Variants in PLA2G4F observed in about 807,000 individuals in gnomAD.
The protein encoded by PLA2G4F is cytosolic phospholipase A2 zeta.
Under a neutral mutation model 103.1 loss-of-function variants are expected in PLA2G4F, and 105 were observed. That is an observed-to-expected ratio of 1.02 (90% confidence interval 0.87 to 1.20). The LOEUF is 1.20. Among genes scored for constraint, PLA2G4F ranks in the 50% most tolerant of loss-of-function variants. The pLI, the probability that PLA2G4F is intolerant of heterozygous loss-of-function variation, is 0.00. For missense variants in PLA2G4F, 1,155 were observed against 1,075.9 expected (o/e 1.07, Z -1.03); for synonymous variants, 468 against 441.1 (o/e 1.06, Z -0.76).
rs750894084 is a variant in PLA2G4F at position 42,142,609 on chromosome 15, C to T, written c.2248G>A (p.Ala750Thr). Residue 750 changes from alanine (A) to threonine (T), a missense_variant, in exon 19 of 20, where the codon GCC becomes ACC. Transcript: ENST00000397272. ...MEEARECYLF[A>T]KAEDPRSPIV... ...GGGGAGCGGGGGTCCTCAGCCTTGG[C>T]AAACAGATAGCACTCACGGGCCTCC... The T allele has an allele frequency of 5.6e-6, 9 of 1,614,082 alleles. No homozygotes were observed. In the South Asian group the frequency reaches 8.8e-5, roughly 16 times the overall value.
In PLA2G4F at chr15:42,145,580, A is replaced by G; in HGVS notation, c.1775T>C (p.Ile592Thr). Residue 592 changes from isoleucine to threonine, a missense_variant, in exon 16 of 20, where the codon ATC becomes ACC. Around this residue, in one of 3 missense-constraint regions of PLA2G4F, gnomAD observed 782 missense variants for 692.9 expected, o/e 1.13. Coordinates refer to ENST00000397272, the MANE Select transcript of PLA2G4F (RefSeq NM_213600.4). ...CTCGGGGTCGCTACCCTCACCTGTG[A>G]TATTCACACTGCCTCTGTACCACTC... ...FLEWYRGSVN[I>T]TDDCQKPQLH... is the part of the protein sequence containing the mutation. The G allele has an allele frequency of 6.2e-7, 1 of 1,613,912 alleles. No individual in the cohort carries two copies. The highest frequency in any genetic ancestry group is 1.1e-5 in the South Asian group (1 of 91,062).
chr15:42,139,656 T>C lies in PLA2G4F; in HGVS notation c.*2328A>G, dbSNP rs1428856966. The C allele has an allele frequency of 6.6e-6, 1 of 152,248 alleles. No homozygotes were observed. The highest frequency in any genetic ancestry group is 6.5e-5 in the Admixed American group (1 of 15,284). 9.4% of individuals were successfully genotyped at this position (152,248 alleles called of 1,614,324 possible). Reference sequence around the variant, plus strand: ...CTCTCCTGAGGAGCAGACATTAAACTGGCTGGGTTACCTTCGGCCCCTCCC... The same window carrying C: ...CTCTCCTGAGGAGCAGACATTAAACCGGCTGGGTTACCTTCGGCCCCTCCC... On this transcript the variant is annotated 3_prime_UTR_variant, in exon 20 of 20. Transcript: ENST00000397272.
chr15:42,147,375 G>A (rs774261072), intron 12 of PLA2G4F, 29 bp from the exon 13 acceptor site: 14 of 1,585,850 alleles, frequency 8.8e-6, no homozygotes, highest in African/African-American at 1.3e-5. Context: ...CCTGAGTCAG[G>A]GGCAGGAGAG....
At position 42,147,342 on chromosome 15, in the gene PLA2G4F, T is replaced by C; in HGVS notation, c.1201A>G (p.Ile401Val). The C allele has an allele frequency of 6.2e-7, 1 of 1,605,736 alleles. No individual in the cohort carries two copies. Among genetic ancestry groups the C allele is most frequent in the Admixed American group, 1.7e-5 (1 of 60,000 alleles). The change falls in exon 13 of 20, where the codon ATC (isoleucine) becomes GTC (valine). Residue 401 changes from isoleucine (I) to valine (V), a missense_variant. Around this residue, in one of 3 missense-constraint regions of PLA2G4F, gnomAD observed 782 missense variants for 692.9 expected, o/e 1.13. Transcript: ENST00000397272. ...GCTGGGTCCCTGTAGAGTGTGGAGA[T>C]GCACCTGGGGATTGGAGGTGTGCCT... is the stretch of plus-strand genomic sequence containing the variant. Reference protein sequence around the residue: ...LSGVSGSTWCISTLYRDPAWS... With the variant: ...LSGVSGSTWCVSTLYRDPAWS...
chr15:42,149,352 A>G lies in PLA2G4F; in HGVS notation c.1059+361T>C. Reference sequence around the variant, plus strand: ...CACACATGCACAGAGGAAGGGCCACATGAGGACATGGCGAGACAGCTCCAC... The same window carrying G: ...CACACATGCACAGAGGAAGGGCCACGTGAGGACATGGCGAGACAGCTCCAC... On this transcript the variant is annotated intron_variant, in intron 11 of 19. Transcript: ENST00000397272. 3.5e-6 allele frequency: 2 copies of G among 578,826 alleles called. 1 individual carries two copies. The highest frequency in any genetic ancestry group is 4.4e-6 in the Non-Finnish European group (2 of 459,506). The allele number at this position is 578,826 out of a possible 1,614,324, so 35.9% of individuals were successfully genotyped here.
At chr15:42,154,251 ATG>A in intron 3 of PLA2G4F, 31 bp from the exon 4 acceptor site, 1 of 1,614,084 alleles carries the variant, frequency 6.2e-7, no homozygotes, top group Non-Finnish European at 8.5e-7. Flanking sequence ...AGGTCCGAGC[ATG>A]AGGTAGGACA....
In PLA2G4F at chr15:42,140,696, C is replaced by G. The variant is rs2048821239; in HGVS notation, c.*1288G>C. Reference sequence around the variant, plus strand: ...CTGGAAACCAGAACTAGTCTTCTTTCCAGACTCAGGACAGGTAAGGCTTCC... The same window carrying G: ...CTGGAAACCAGAACTAGTCTTCTTTGCAGACTCAGGACAGGTAAGGCTTCC... On this transcript the variant is annotated 3_prime_UTR_variant, in exon 20 of 20. Coordinates refer to ENST00000397272, the MANE Select transcript of PLA2G4F (RefSeq NM_213600.4). The G allele has an allele frequency of 6.5e-6, 1 of 153,034 alleles. No homozygotes were observed. Among genetic ancestry groups the G allele is most frequent in the Non-Finnish European group, 1.5e-5 (1 of 68,622 alleles). 9.5% of individuals were successfully genotyped at this position (153,034 alleles called of 1,614,324 possible).
Position 42,141,370 on chromosome 15 carries a change from G to A in PLA2G4F, c.*614C>T, listed in dbSNP as rs149455560. On this transcript the variant is annotated 3_prime_UTR_variant, in exon 20 of 20. Transcript: ENST00000397272. Reference sequence around the variant, plus strand: ...GACATCACCCCACAGGCTTTAGGGCGCTGGGAAGAGAAGGGTGATCTGGGA... The same window carrying A: ...GACATCACCCCACAGGCTTTAGGGCACTGGGAAGAGAAGGGTGATCTGGGA... 4.2e-5 allele frequency: 19 copies of A among 456,712 alleles called. No individual in the cohort carries two copies. The highest frequency in any genetic ancestry group is 1.9e-4 in the South Asian group (12 of 64,552). The allele number at this position is 456,712 out of a possible 1,614,324, so 28.3% of individuals were successfully genotyped here.
chr15:42,141,557 T>C lies in PLA2G4F; in HGVS notation c.*427A>G. ...CCGCTCTGCAGGAAGTGTGGATGGA[T>C]GCATCTCTGCTTTCCATCTCAGTGT... On this transcript the variant is annotated 3_prime_UTR_variant, in exon 20 of 20. Coordinates refer to ENST00000397272, the MANE Select transcript of PLA2G4F (RefSeq NM_213600.4). 2.2e-6 allele frequency: 1 copy of C among 457,472 alleles called. No individual in the cohort carries two copies. The highest frequency in any genetic ancestry group is 2.4e-5 in the Admixed American group (1 of 42,182). The allele number at this position is 457,472 out of a possible 1,614,324, so 28.3% of individuals were successfully genotyped here.
At chr15:42,152,786 C>G (rs2048973887) in intron 6 of PLA2G4F, 32 bp from the exon 7 acceptor site, 3 of 1,546,878 alleles carry the variant, frequency 1.9e-6, no homozygotes, top group South Asian at 1.2e-5. Context: ...AGGAGCCAGA[C>G]AGCCCACGGC....
chr15:42,147,211 C>G lies in PLA2G4F; in HGVS notation c.1332G>C (p.Gln444His), dbSNP rs1460418350. The G allele has an allele frequency of 6.2e-7, 1 of 1,613,114 alleles. No individual in the cohort carries two copies. The highest frequency in any genetic ancestry group is 8.5e-7 in the Non-Finnish European group (1 of 1,179,998). The change falls in exon 13 of 20, where the codon CAG becomes CAC. Residue 444 changes from glutamine (Q) to histidine (H), a missense_variant. Coordinates refer to ENST00000397272, the MANE Select transcript of PLA2G4F (RefSeq NM_213600.4). ...CACTGCGCTCCCGGACCCCCAGTTC[C>G]TGAGTGTAGTACTGTAGCCGCTCCG... ...LSTERLQYYT[Q>H]ELGVRERSGH...
Position 42,140,149 on chromosome 15 carries a change from G to A in PLA2G4F, c.*1835C>T, listed in dbSNP as rs547365575. ...GCATGCTTTTTTGTGGTTGGTGGGT[G>A]ACGATCCATTTCTTAGAATGTAGGT... On this transcript the variant is annotated 3_prime_UTR_variant, in exon 20 of 20. Transcript: ENST00000397272. 1.3e-3 allele frequency: 196 copies of A among 152,324 alleles called. No individual in the cohort carries two copies. The highest frequency in any genetic ancestry group is 4.3e-3 in the African/African-American group (180 of 41,560). The allele number at this position is 152,324 out of a possible 1,614,324, so 9.4% of individuals were successfully genotyped here. A position where few individuals can be genotyped will look rare whatever the true frequency, so the allele number is the denominator to read the frequency against.
At chr15:42,146,992 G>T in intron 13 of PLA2G4F, 132 bp downstream of exon 13, 1 of 894,878 alleles carries the variant, frequency 1.1e-6, no homozygotes, top group Non-Finnish European at 1.7e-6. Context: ...TCACACTCCT[G>T]GCCCCAGGGG....
chr15:42,148,579 C>T (rs2048918163), intron 11 of PLA2G4F: 2 of 962,228 alleles, frequency 2.1e-6, no homozygotes, highest in Non-Finnish European at 2.5e-6. Flanking sequence ...GGATGAATGT[C>T]CCCAGGGGTG....
At chr15:42,143,529 G>A (rs981275450) in intron 18 of PLA2G4F, among the ~76,000 whole-genome samples, 6 of 152,192 alleles carry the variant, frequency 3.9e-5, no homozygotes, top group East Asian at 1.9e-4. Context: ...GGGGGCATCC[G>A]TCCACCACCC....
At chr15:42,149,678 A>T (rs1483974078) in intron 11 of PLA2G4F, 35 bp downstream of exon 11, 1 of 1,612,950 alleles carries the variant, frequency 6.2e-7, no homozygotes, top group Non-Finnish European at 8.5e-7. Flanking sequence ...TTAGTCCTAG[A>T]GGCTCTGGGG....
At position 42,142,752 on chromosome 15, in the gene PLA2G4F, A is replaced by G. The variant is rs767024694; in HGVS notation, c.2143-38T>C. ...AAGCCTCTGACTCTGCCTTTCCTCCACCCTGGCCACTCCCGCCGCCCTGGA... is the reference window on the plus strand; with the variant it reads ...AAGCCTCTGACTCTGCCTTTCCTCCGCCCTGGCCACTCCCGCCGCCCTGGA... On this transcript the variant is annotated intron_variant, in intron 18 of 19. Coordinates refer to ENST00000397272, the MANE Select transcript of PLA2G4F (RefSeq NM_213600.4). 9.3e-6 allele frequency: 15 copies of G among 1,604,990 alleles called. No homozygotes were observed. The East Asian group carries it at 2.7e-4, about 29-fold the overall frequency.
rs1227257633 is a variant in PLA2G4F at position 42,147,195 on chromosome 15, C to T, written c.1348G>A (p.Glu450Lys). 3 of 1,613,000 alleles carry T rather than the reference C, an allele frequency of 1.9e-6. No individual in the cohort carries two copies. The highest frequency in any genetic ancestry group is 2.2e-5 in the East Asian group (1 of 44,866). Residue 450 changes from glutamate (E) to lysine (K), a missense_variant, in exon 13 of 20, where the codon GAG becomes AAG. Around this residue, in one of 3 missense-constraint regions of PLA2G4F, gnomAD observed 782 missense variants for 692.9 expected, o/e 1.13. Coordinates refer to ENST00000397272, the MANE Select transcript of PLA2G4F (RefSeq NM_213600.4). Reference sequence around the variant, plus strand: ...AGGGACACGCTGTGGCCACTGCGCTCCCGGACCCCCAGTTCCTGAGTGTAG... The same window carrying T: ...AGGGACACGCTGTGGCCACTGCGCTTCCGGACCCCCAGTTCCTGAGTGTAG... ...QYYTQELGVRERSGHSVSLID... is the reference protein window; with the variant it reads ...QYYTQELGVRKRSGHSVSLID...
At position 42,141,395 on chromosome 15, in the gene PLA2G4F, A is replaced by C; in HGVS notation, c.*589T>G. On this transcript the variant is annotated 3_prime_UTR_variant, in exon 20 of 20. Transcript: ENST00000397272. ...GCTGGGAAGAGAAGGGTGATCTGGG[A>C]GGAGGCACGAGGAGACCAGAAGGCA... 1 of 456,114 alleles carries C rather than the reference A, an allele frequency of 2.2e-6. No homozygotes were observed. The highest frequency in any genetic ancestry group is 4.4e-6 in the Non-Finnish European group (1 of 226,618). The allele number at this position is 456,114 out of a possible 1,614,324, so 28.3% of individuals were successfully genotyped here.
Sources: allele counts gnomAD v4.1 joint callset (sites outside exome capture counted in the v4.1 genomes callset), GRCh38; gene constraint gnomAD v4.1.1; regional missense constraint gnomAD v4.1.1; transcripts MANE v1.5; gene names NCBI Gene and HGNC (gene_info 2026-07-23, HGNC 2026-07-21).